The following PLXDC2 variants were observed in gnomAD, a reference collection of about 807,000 sequenced individuals.
PLXDC2 encodes plexin domain containing 2.
Under a neutral mutation model 68.9 loss-of-function variants are expected in PLXDC2, and 40 were observed. The observed-to-expected ratio is 0.58, with a 90% CI of 0.45 to 0.76. PLXDC2 has a LOEUF of 0.76. Ranked by LOEUF, PLXDC2 falls within the 30% of genes least tolerant of loss-of-function variation. The pLI, the probability that PLXDC2 is intolerant of heterozygous loss-of-function variation, is 0.00. For missense variants in PLXDC2, 644 were observed against 661.9 expected (o/e 0.97, Z 0.30); for synonymous variants, 243 against 234.2 (o/e 1.04, Z -0.34).
At chr10:19,896,598 G>C (rs1239794996) in intron 1 of PLXDC2, among the ~76,000 whole-genome samples, 1 of 152,114 alleles carries the variant, frequency 6.6e-6, no homozygotes, top group Non-Finnish European at 1.5e-5. Context: ...CACTTTGCTA[G>C]GCAGATTTCT....
intron 1 of PLXDC2, among the ~76,000 whole-genome samples, chr10:19,987,781 G>GT (rs1454683947): frequency 6.6e-6 from 1 of 151,912 alleles, no homozygotes; most frequent in East Asian, 1.9e-4. Flanking sequence ...GGCCAGGATG[G>GT]TCTCGATCGA....
intron 6 of PLXDC2, among the ~76,000 whole-genome samples, chr10:20,149,291 T>A (rs1277395767): frequency 7.8e-6 from 1 of 127,930 alleles, no homozygotes; most frequent in Non-Finnish European, 1.6e-5. Flanking sequence ...CAGGCTGGAG[T>A]GCAATGGCCA....
chr10:20,013,386 A>G (rs529617817), intron 2 of PLXDC2, among the ~76,000 whole-genome samples: 5 of 152,274 alleles, frequency 3.3e-5, no homozygotes, highest in African/African-American at 1.2e-4. Flanking sequence ...AAAACTGAAG[A>G]TGTTTTATTT....
At chr10:19,928,570 G>A (rs1833577339) in intron 1 of PLXDC2, among the ~76,000 whole-genome samples, 1 of 152,068 alleles carries the variant, frequency 6.6e-6, no homozygotes. Context: ...GGGGGCACTT[G>A]GGAGACCATC....
intron 2 of PLXDC2, among the ~76,000 whole-genome samples, chr10:20,041,587 A>T (rs1262916433): frequency 6.6e-6 from 1 of 152,176 alleles, no homozygotes; most frequent in Admixed American, 6.5e-5. Context: ...TATATCTTTA[A>T]TTGTTTTCTA....
intron 1 of PLXDC2, among the ~76,000 whole-genome samples, chr10:19,959,782 T>G (rs551351861): frequency 2.6e-5 from 4 of 152,228 alleles, no homozygotes; most frequent in African/African-American, 9.6e-5. Flanking sequence ...GACCCACAGA[T>G]TTTGAAGATC....
intron 7 of PLXDC2, among the ~76,000 whole-genome samples, chr10:20,173,586 G>C (rs556901584): frequency 6.6e-6 from 1 of 152,096 alleles, no homozygotes; most frequent in Admixed American, 6.5e-5. Flanking sequence ...TTAAGCTTTC[G>C]ATCACATTTT....
At chr10:19,824,840 A>T (rs1352858652) in intron 1 of PLXDC2, among the ~76,000 whole-genome samples, 2 of 152,226 alleles carry the variant, frequency 1.3e-5, no homozygotes, top group African/African-American at 4.8e-5. Context: ...TTAATTAAAA[A>T]GGTGGTAAGC....
At chr10:20,104,753 A>G (rs1833468084) in intron 4 of PLXDC2, among the ~76,000 whole-genome samples, 1 of 152,030 alleles carries the variant, frequency 6.6e-6, no homozygotes, top group Non-Finnish European at 1.5e-5. Flanking sequence ...CAACTCTAAC[A>G]TAAGAGCTTC....
intron 1 of PLXDC2, among the ~76,000 whole-genome samples, chr10:19,921,828 GTCTA>G (rs1833466269): frequency 6.6e-6 from 1 of 152,082 alleles, no homozygotes; most frequent in Non-Finnish European, 1.5e-5. Context: ...GGACAACTGT[GTCTA>G]TCTTTTTTTT....
chr10:20,142,284 A>T (rs1456790037), intron 4 of PLXDC2, among the ~76,000 whole-genome samples: 1 of 152,066 alleles, frequency 6.6e-6, no homozygotes, highest in Non-Finnish European at 1.5e-5. Flanking sequence ...TTAACTGATG[A>T]CTGCCCAAAC....
intron 2 of PLXDC2, among the ~76,000 whole-genome samples, chr10:20,008,173 C>A (rs539488812): frequency 3.9e-5 from 6 of 152,254 alleles, no homozygotes; most frequent in African/African-American, 1.4e-4. Context: ...TACACAAGGT[C>A]ATTGTGTGGG....
intron 1 of PLXDC2, among the ~76,000 whole-genome samples, chr10:19,953,671 C>G (rs911375018): frequency 1.3e-5 from 2 of 152,152 alleles, no homozygotes; most frequent in African/African-American, 4.8e-5. Context: ...TTTCAACTTT[C>G]AATTTCAGAG....
intron 1 of PLXDC2, among the ~76,000 whole-genome samples, chr10:19,879,178 A>G (rs77242569): frequency 0.095 from 14,486 of 152,210 alleles, 871 homozygotes; most frequent in Non-Finnish European, 0.13. Flanking sequence ...ATGATAGGAT[A>G]GGTAATTAAG....
chr10:20,226,884 C>G (rs946571188), intron 12 of PLXDC2, among the ~76,000 whole-genome samples: 1 of 151,980 alleles, frequency 6.6e-6, no homozygotes, highest in Non-Finnish European at 1.5e-5. Context: ...ACCAGGGAAC[C>G]TTCTACTGGA....
intron 4 of PLXDC2, among the ~76,000 whole-genome samples, chr10:20,083,530 A>C (rs1836616071): frequency 6.6e-6 from 1 of 151,942 alleles, no homozygotes. Context: ...AAACAGCATT[A>C]ATATTTAAAA....
chr10:19,972,467 G>A (rs980606191), intron 1 of PLXDC2, among the ~76,000 whole-genome samples: 2 of 152,200 alleles, frequency 1.3e-5, no homozygotes, highest in Non-Finnish European at 2.9e-5. Context: ...GGAGGAGAAT[G>A]AAGATTGAAA....
intron 1 of PLXDC2, among the ~76,000 whole-genome samples, chr10:19,987,951 C>T (rs970898427): frequency 2.6e-5 from 4 of 152,154 alleles, no homozygotes; most frequent in African/African-American, 9.7e-5. Context: ...TTATATATAA[C>T]TTACATTTCA....
At chr10:20,159,629 T>C (rs1834264560) in intron 6 of PLXDC2, among the ~76,000 whole-genome samples, 1 of 152,204 alleles carries the variant, frequency 6.6e-6, no homozygotes, top group Admixed American at 6.5e-5. Context: ...TCTGTATCTT[T>C]TGGACTAAAA....
Sources: allele counts gnomAD v4.1 joint callset (sites outside exome capture counted in the v4.1 genomes callset), GRCh38; gene constraint gnomAD v4.1.1; transcripts MANE v1.5; gene names NCBI Gene and HGNC (gene_info 2026-07-23, HGNC 2026-07-21).